The following DEPTOR variants were observed in gnomAD, a reference collection of about 807,000 sequenced individuals.
DEPTOR encodes the protein DEP domain containing MTOR interacting protein.
DEPTOR carries 41 observed loss-of-function variants against 41.6 expected under a neutral mutation model. That is an observed-to-expected ratio of 0.98 (90% CI 0.77 to 1.28). DEPTOR has a LOEUF of 1.28. Ranked by LOEUF, DEPTOR falls within the 50% of genes most tolerant of loss-of-function variation. The probability of loss-of-function intolerance (pLI) is 0.00; values close to 1 mark genes in which losing one functional copy is unlikely to be tolerated. For synonymous variants in DEPTOR, 195 were observed against 192.3 expected (o/e 1.01, Z -0.12); for missense variants, 514 against 527.9 (o/e 0.97, Z 0.26).
intron 8 of DEPTOR, among the ~76,000 whole-genome samples, chr8:120,040,045 T>G (rs916240036): frequency 9.9e-5 from 15 of 151,988 alleles, no homozygotes; most frequent in Non-Finnish European, 1.8e-4. Flanking sequence ...GGTTTCACCA[T>G]GTTGGCCAGG....
chr8:119,873,779 A>C lies in DEPTOR; in HGVS notation c.-68A>C, dbSNP rs1020845633. 11 of 1,594,946 alleles carry C rather than the reference A, an allele frequency of 6.9e-6. No homozygotes were observed. The highest frequency in any genetic ancestry group is 2.1e-4 in the Middle Eastern group (1 of 4,740). On this transcript the variant is annotated 5_prime_UTR_variant, in exon 1 of 9. Transcript: ENST00000286234. ...TGGCGCGGGAAGCGTCTGTGAGGGC[A>C]GACTGATCCGAGCACCCAAACCCTC...
At chr8:119,947,873 G>A (rs1333203126) in intron 3 of DEPTOR, among the ~76,000 whole-genome samples, 2 of 151,996 alleles carry the variant, frequency 1.3e-5, no homozygotes, top group Non-Finnish European at 2.9e-5. Context: ...ATCTTTACCT[G>A]CTGCCCATGC....
intron 1 of DEPTOR, among the ~76,000 whole-genome samples, chr8:119,913,747 T>C (rs946160489): frequency 6.6e-6 from 1 of 152,134 alleles, no homozygotes; most frequent in African/African-American, 2.4e-5. Flanking sequence ...GTGAGAGGTC[T>C]CCCCAGGCCA....
chr8:119,961,997 T>TG (rs1449838379), intron 3 of DEPTOR, among the ~76,000 whole-genome samples: 2 of 151,384 alleles, frequency 1.3e-5, no homozygotes, highest in Non-Finnish European at 2.9e-5. Flanking sequence ...TCCCAGCACT[T>TG]TGAGAGGCCA....
intron 4 of DEPTOR, among the ~76,000 whole-genome samples, chr8:119,976,450 T>C (rs1364687418): frequency 6.6e-6 from 1 of 152,200 alleles, no homozygotes; most frequent in Non-Finnish European, 1.5e-5. Flanking sequence ...GACCACTTAC[T>C]GAGGACTTGG....
intron 8 of DEPTOR, among the ~76,000 whole-genome samples, chr8:120,033,504 G>A (rs184399059): frequency 2.6e-3 from 391 of 152,196 alleles, no homozygotes; most frequent in Non-Finnish European, 4.2e-3. Context: ...CAGAGCCCTT[G>A]GTCTTTTCAT....
At chr8:119,880,252 C>T (rs1827282770) in intron 1 of DEPTOR, among the ~76,000 whole-genome samples, 1 of 152,098 alleles carries the variant, frequency 6.6e-6, no homozygotes, top group South Asian at 2.1e-4. Flanking sequence ...ATAACAATAA[C>T]ACTTACATGG....
chr8:120,005,474 G>A (rs1286363004), intron 6 of DEPTOR, among the ~76,000 whole-genome samples: 1 of 152,208 alleles, frequency 6.6e-6, no homozygotes, highest in African/African-American at 2.4e-5. Flanking sequence ...CAGCTGCCTG[G>A]TAGATCATCA....
intron 8 of DEPTOR, among the ~76,000 whole-genome samples, chr8:120,048,734 G>A (rs1348657266): frequency 6.6e-6 from 1 of 152,118 alleles, no homozygotes; most frequent in Non-Finnish European, 1.5e-5. Context: ...CAGCATCGGT[G>A]TAGTGCTTGG....
At chr8:119,887,607 C>A (rs909853526) in intron 1 of DEPTOR, among the ~76,000 whole-genome samples, 16 of 148,904 alleles carry the variant, frequency 1.1e-4, no homozygotes, top group African/African-American at 4.0e-4. Flanking sequence ...TCAAGTGATT[C>A]TCCTGCTTCA....
Position 119,965,239 on chromosome 8 carries a change from A to T in DEPTOR, c.433A>T (p.Ser145Cys), listed in dbSNP as rs1019296985. The T allele has an allele frequency of 5.6e-6, 9 of 1,608,924 alleles. No homozygotes were observed. The highest frequency in any genetic ancestry group is 7.6e-6 in the Non-Finnish European group (9 of 1,178,738). ...CCCTTTTTTTCTTCCCAGGCTGATGAGCCCTGAAAACACACTCCTGCAGCC... is the reference window on the plus strand; with the variant it reads ...CCCTTTTTTTCTTCCCAGGCTGATGTGCCCTGAAAACACACTCCTGCAGCC... ...RGQRLYEKLM[S>C]PENTLLQPRE... Residue 145 changes from serine to cysteine, a missense_variant, in exon 4 of 9, where the codon AGC (serine) becomes TGC (cysteine). Ser to Cys is a moderately radical substitution (Grantham distance 112, BLOSUM62 -1). Coordinates refer to ENST00000286234, the MANE Select transcript of DEPTOR (RefSeq NM_022783.4).
At chr8:119,884,703 T>C (rs571840640) in intron 1 of DEPTOR, among the ~76,000 whole-genome samples, 6 of 152,000 alleles carry the variant, frequency 3.9e-5, no homozygotes, top group Admixed American at 2.6e-4. Context: ...ATAATGAGTG[T>C]AGTAAAGAGG....
chr8:119,978,654 C>T (rs895231535), intron 4 of DEPTOR, among the ~76,000 whole-genome samples: 3 of 152,094 alleles, frequency 2.0e-5, no homozygotes, highest in African/African-American at 7.2e-5. Flanking sequence ...TCAGCCCCCT[C>T]CCAGCTGGGT....
intron 8 of DEPTOR, among the ~76,000 whole-genome samples, chr8:120,018,172 T>C (rs554526227): frequency 7.2e-4 from 109 of 152,356 alleles, no homozygotes; most frequent in African/African-American, 2.5e-3. Context: ...TTGGCTAAGA[T>C]AATTTGGGAA....
intron 1 of DEPTOR, among the ~76,000 whole-genome samples, chr8:119,879,635 C>G (rs1293630446): frequency 6.6e-6 from 1 of 151,994 alleles, no homozygotes; most frequent in Non-Finnish European, 1.5e-5. Flanking sequence ...AGCTTGAACC[C>G]AGGAGGCAGA....
chr8:119,893,616 G>A (rs1011521815), intron 1 of DEPTOR, among the ~76,000 whole-genome samples: 5 of 152,218 alleles, frequency 3.3e-5, no homozygotes, highest in Admixed American at 1.3e-4. Context: ...ATCACTTGAC[G>A]TCAGGAGTTT....
At chr8:120,032,455 A>C (rs1222477841) in intron 8 of DEPTOR, among the ~76,000 whole-genome samples, 1 of 152,122 alleles carries the variant, frequency 6.6e-6, no homozygotes, top group African/African-American at 2.4e-5. Flanking sequence ...TCCTGACCTC[A>C]AATGATCTGT....
At chr8:119,997,754 A>G (rs2130069734) in intron 4 of DEPTOR, among the ~76,000 whole-genome samples, 1 of 152,340 alleles carries the variant, frequency 6.6e-6, no homozygotes, top group South Asian at 2.1e-4. Context: ...TTATTAACAT[A>G]TGTAGATAAT....
chr8:120,026,965 T>G (rs1157215368), intron 8 of DEPTOR, among the ~76,000 whole-genome samples: 2 of 152,124 alleles, frequency 1.3e-5, no homozygotes, highest in African/African-American at 4.8e-5. Context: ...ACGCCTATAA[T>G]CCCAGTACTT....
Sources: allele counts gnomAD v4.1 joint callset (sites outside exome capture counted in the v4.1 genomes callset), GRCh38; gene constraint gnomAD v4.1.1; transcripts MANE v1.5; gene names NCBI Gene and HGNC (gene_info 2026-07-23, HGNC 2026-07-21).